Variants in ANO3 observed in about 807,000 individuals in gnomAD.
The protein encoded by ANO3 is anoctamin-3.
In ANO3, 99 loss-of-function variants were observed where a neutral mutation model predicts 144.8. That is an observed-to-expected ratio of 0.68 (90% CI 0.58 to 0.81). The LOEUF is 0.81. Among genes scored for constraint, ANO3 ranks in the 30% least tolerant of loss-of-function variants. ANO3 has a pLI of 0.00. For missense variants in ANO3, 905 were observed against 1,202.2 expected (o/e 0.75, Z 3.66); for synonymous variants, 414 against 392.6 (o/e 1.05, Z -0.64).
intron 1 of ANO3, among the ~76,000 whole-genome samples, chr11:26,198,730 G>T (rs574117996): frequency 6.6e-6 from 1 of 152,240 alleles, no homozygotes; most frequent in East Asian, 1.9e-4. Flanking sequence ...GGGATATCCT[G>T]TGGCTATGGA....
At chr11:26,441,867 C>A in intron 1 of ANO3, 51 bp from the exon 2 acceptor site, 4 of 1,402,706 alleles carry the variant, frequency 2.9e-6, no homozygotes, top group Non-Finnish European at 4.0e-6. Flanking sequence ...TTTTTATTGA[C>A]CTCTACTGAT....
intron 1 of ANO3, among the ~76,000 whole-genome samples, chr11:26,400,109 T>C (rs1857111203): frequency 6.7e-6 from 1 of 149,218 alleles, no homozygotes; most frequent in Non-Finnish European, 1.5e-5. Context: ...GTTTTTTTTG[T>C]TTTTGTTTTT....
At chr11:26,444,794 T>C (rs1046541742) in intron 3 of ANO3, among the ~76,000 whole-genome samples, 4 of 152,212 alleles carry the variant, frequency 2.6e-5, no homozygotes, top group Non-Finnish European at 5.9e-5. Flanking sequence ...ATAATAGCAT[T>C]CTGAATGACT....
rs539729803 is a variant in ANO3, at chr11:26,342,716, ATAAAT to A, written c.46+10398_46+10402del. Among the ~76,000 whole-genome samples, 124 of 152,340 alleles carry A rather than the reference ATAAAT, an allele frequency of 8.1e-4. 1 individual carries two copies. Among genetic ancestry groups the A allele is most frequent in the African/African-American group, 2.2e-3 (90 of 41,578 alleles). On this transcript the variant is annotated intron_variant, in intron 1 of 26. Transcript: ENST00000256737. ...CCAGTAGTTCCCGTACTCACTCCAA[ATAAAT>A]TAGATTAAAGATGATCCATTCCATG...
chr11:26,194,198 T>G (rs1165896311), intron 1 of ANO3, among the ~76,000 whole-genome samples: 4 of 152,074 alleles, frequency 2.6e-5, no homozygotes, highest in African/African-American at 9.7e-5. Context: ...GCTCACAATT[T>G]ATATGAGGCA....
chr11:26,260,515 G>A (rs956223420), intron 1 of ANO3, among the ~76,000 whole-genome samples: 6 of 152,100 alleles, frequency 3.9e-5, no homozygotes, highest in African/African-American at 1.2e-4. Flanking sequence ...AGATATCACC[G>A]CATGGAACAG....
intron 1 of ANO3, among the ~76,000 whole-genome samples, chr11:26,359,968 A>G (rs1232303528): frequency 6.9e-6 from 1 of 144,770 alleles, no homozygotes; most frequent in Non-Finnish European, 1.5e-5. Flanking sequence ...AAATCAACAT[A>G]AATTTTATAT....
At chr11:26,531,014 A>G (rs1399167946) in intron 7 of ANO3, among the ~76,000 whole-genome samples, 191 bp from the exon 8 acceptor site, 1 of 152,206 alleles carries the variant, frequency 6.6e-6, no homozygotes, top group Non-Finnish European at 1.5e-5. Flanking sequence ...AACAACTGCA[A>G]GATTTGGTTT....
At chr11:26,203,379 T>C (rs1182825463) in intron 1 of ANO3, among the ~76,000 whole-genome samples, 1 of 152,064 alleles carries the variant, frequency 6.6e-6, no homozygotes, top group East Asian at 1.9e-4. Flanking sequence ...TAGCATAAGG[T>C]AGAGCAACAG....
chr11:26,233,043 C>T (rs12790635), intron 1 of ANO3, among the ~76,000 whole-genome samples: 52,378 of 151,600 alleles, frequency 0.35, 10,103 homozygotes, highest in Non-Finnish European at 0.43. Flanking sequence ...GGTGAAACCC[C>T]GTCTCTACTA....
At chr11:26,550,053 G>T (rs449594) in intron 12 of ANO3, among the ~76,000 whole-genome samples, 99,524 of 150,814 alleles carry the variant, frequency 0.66, 33,071 homozygotes, top group East Asian at 0.83. Flanking sequence ...ACAAGATGAA[G>T]AAATTGATCC....
intron 1 of ANO3, among the ~76,000 whole-genome samples, chr11:26,263,352 G>A (rs555275042): frequency 4.3e-4 from 66 of 152,188 alleles, no homozygotes; most frequent in Non-Finnish European, 8.5e-4. Flanking sequence ...CTCTTTCTCT[G>A]TAGGGGCTGC....
In ANO3 at chr11:26,269,579, C is replaced by A. The variant is rs550724749; in HGVS notation, c.155-40066C>A. Reference sequence around the variant, plus strand: ...TCCTTTGACAGTAAGTGGTTAAAGACTTGACTGATTCCTTCATTTGGACCT... The same window carrying A: ...TCCTTTGACAGTAAGTGGTTAAAGAATTGACTGATTCCTTCATTTGGACCT... On this transcript the variant is annotated intron_variant, in intron 1 of 27. Transcript: ENST00000672621. 2.6e-4 allele frequency among the ~76,000 whole-genome samples: 40 copies of A among 152,278 alleles called. No homozygotes were observed. The South Asian group carries it at 8.1e-3, about 31-fold the overall frequency.
Position 26,641,751 on chromosome 11 carries a change from TA to T in ANO3, c.2142-139del, listed in dbSNP as rs1013935235. On this transcript the variant is annotated intron_variant, in intron 21 of 26. Coordinates refer to ENST00000256737, the MANE Select transcript of ANO3 (RefSeq NM_031418.4). ...TTTCAAAATGTTTTTTTAACTTTTT[TA>T]AAAAACTTTTATAAAAGGTAAAACC... 2.1e-5 allele frequency: 18 copies of T among 855,390 alleles called. No homozygotes were observed. The African/African-American group carries it at 2.6e-4, about 12-fold the overall frequency. The allele number at this position is 855,390 out of a possible 1,614,324, so 53.0% of individuals were successfully genotyped here. A position where few individuals can be genotyped will look rare whatever the true frequency, so the allele number is the denominator to read the frequency against.
chr11:26,397,277 TA>T (rs1234375689), intron 1 of ANO3, among the ~76,000 whole-genome samples: 1 of 152,140 alleles, frequency 6.6e-6, no homozygotes, highest in Non-Finnish European at 1.5e-5. Flanking sequence ...TATGTACATG[TA>T]TTTTTTTTCT....
intron 23 of ANO3, among the ~76,000 whole-genome samples, chr11:26,644,580 A>G (rs1448339102): frequency 1.3e-5 from 2 of 152,194 alleles, no homozygotes; most frequent in Non-Finnish European, 2.9e-5. Flanking sequence ...CATCATAAGT[A>G]CATTTCTCTA....
intron 7 of ANO3, among the ~76,000 whole-genome samples, chr11:26,528,960 C>T (rs1426906613): frequency 3.4e-5 from 5 of 147,658 alleles, no homozygotes; most frequent in African/African-American, 1.3e-4. Flanking sequence ...TGTTTTGGTT[C>T]TTCCAAAACC....
chr11:26,189,444 C>A, intron 1 of ANO3: 1 of 536,926 alleles, frequency 1.9e-6, no homozygotes, highest in Non-Finnish European at 2.4e-6. Flanking sequence ...GGTGGTATAG[C>A]TGATGCCAAT....
intron 1 of ANO3, among the ~76,000 whole-genome samples, chr11:26,348,617 C>T (rs1855556991): frequency 6.6e-6 from 1 of 152,184 alleles, no homozygotes; most frequent in Admixed American, 6.5e-5. Flanking sequence ...TTTTACTTAT[C>T]ACATGTTTAT....
Sources: gnomAD v4.1 joint callset for allele counts (sites outside exome capture counted in the v4.1 genomes callset) on GRCh38, gnomAD v4.1.1 for gene constraint, MANE v1.5 for transcripts, NCBI Gene and HGNC (gene_info 2026-07-23, HGNC 2026-07-21) for gene names.